Variants in ENTPD1 observed in about 807,000 individuals in gnomAD.
The protein encoded by ENTPD1 is ectonucleoside triphosphate diphosphohydrolase 1.
In ENTPD1, 33 loss-of-function variants were observed where a neutral mutation model predicts 57.0. That is an observed-to-expected ratio of 0.58 (90% CI 0.44 to 0.77). The LOEUF (loss-of-function observed/expected upper bound fraction) is 0.77. Ranked by LOEUF, ENTPD1 falls within the 30% of genes least tolerant of loss-of-function variation. The pLI is 0.00. For missense variants in ENTPD1, 501 were observed against 603.4 expected (o/e 0.83, Z 1.78); for synonymous variants, 202 against 218.8 (o/e 0.92, Z 0.68).
intron 1 of ENTPD1, among the ~76,000 whole-genome samples, chr10:95,721,222 G>A (rs1456444450): frequency 6.6e-6 from 1 of 152,102 alleles, no homozygotes; most frequent in Admixed American, 6.5e-5. Context: ...ATAATTTATA[G>A]GCTTCCTCCT....
intron 1 of ENTPD1, among the ~76,000 whole-genome samples, chr10:95,800,078 G>C (rs1383173451): frequency 6.6e-6 from 1 of 152,164 alleles, no homozygotes; most frequent in Non-Finnish European, 1.5e-5. Flanking sequence ...TCTGTAGGTT[G>C]TCTGCTTACT....
In ENTPD1 at chr10:95,864,634, C is replaced by T. The variant is rs187524930; in HGVS notation, c.1189-90C>T. On this transcript the variant is annotated intron_variant, in intron 8 of 9. Transcript: ENST00000371205. ...CAGGTGCACTGGAGCTGGGGCTTTC[C>T]CCTCTCTTCATCAGGGCTAGTAGAG... The T allele has an allele frequency of 1.7e-5, 26 of 1,570,292 alleles. No homozygotes were observed. The East Asian group carries it at 5.4e-4, about 32-fold the overall frequency.
In ENTPD1 at chr10:95,870,941, C is replaced by A. The variant is rs745338709; in HGVS notation, c.*4558C>A. 9 of 985,438 alleles carry A rather than the reference C, an allele frequency of 9.1e-6. No individual in the cohort carries two copies. The highest frequency in any genetic ancestry group is 1.1e-5 in the Non-Finnish European group (9 of 829,936). The allele number at this position is 985,438 out of a possible 1,614,324, so 61.0% of individuals were successfully genotyped here. A position where few individuals can be genotyped will look rare whatever the true frequency, so the allele number is the denominator to read the frequency against. On this transcript the variant is annotated 3_prime_UTR_variant, in exon 10 of 10. Coordinates refer to ENST00000371205, the MANE Select transcript of ENTPD1 (RefSeq NM_001776.6). ...CTTCAGGTGGTAAGGGTGGATCAGA[C>A]CTATTCCATATACCTCTTGTTCTCC...
upstream of ENTPD1, among the ~76,000 whole-genome samples, chr10:95,710,426 C>T (rs1171605687): frequency 2.0e-5 from 3 of 151,992 alleles, no homozygotes; most frequent in African/African-American, 7.2e-5. Context: ...TTTAATGATA[C>T]TCATGATTAA....
chr10:95,840,728 C>T (rs2098420671), intron 3 of ENTPD1, among the ~76,000 whole-genome samples: 1 of 152,168 alleles, frequency 6.6e-6, no homozygotes, highest in Non-Finnish European at 1.5e-5. Flanking sequence ...GAGTGGTTGA[C>T]ATTCAGCTTT....
chr10:95,780,688 A>T (rs1428027638), intron 1 of ENTPD1, among the ~76,000 whole-genome samples: 2 of 152,210 alleles, frequency 1.3e-5, no homozygotes, highest in Non-Finnish European at 2.9e-5. Flanking sequence ...GAACAAACTC[A>T]TGTTTGATCC....
At chr10:95,779,305 C>T (rs1230273261) in intron 1 of ENTPD1, among the ~76,000 whole-genome samples, 2 of 152,144 alleles carry the variant, frequency 1.3e-5, no homozygotes, top group Admixed American at 6.5e-5. Flanking sequence ...TCTGCCATTC[C>T]CCAGCCTGAA....
chr10:95,713,927 A>G (rs956294522), intron 1 of ENTPD1, among the ~76,000 whole-genome samples: 2 of 152,276 alleles, frequency 1.3e-5, no homozygotes, highest in Non-Finnish European at 2.9e-5. Context: ...ATTTTTGTAC[A>G]GCTCAAAGTG....
At chr10:95,857,964 A>G (rs191160136) in intron 7 of ENTPD1, among the ~76,000 whole-genome samples, 2 of 152,272 alleles carry the variant, frequency 1.3e-5, no homozygotes, top group East Asian at 3.9e-4. Context: ...GATTGAGACC[A>G]TCCTGGCTAA....
chr10:95,844,316 G>T (rs138476634), intron 4 of ENTPD1, among the ~76,000 whole-genome samples, 160 bp from the exon 5 acceptor site: 1 of 152,296 alleles, frequency 6.6e-6, no homozygotes, highest in East Asian at 1.9e-4. Flanking sequence ...CAAAAAAGGG[G>T]TTTCTTGGAC....
At chr10:95,865,061 G>C (rs2098471792) in intron 9 of ENTPD1, among the ~76,000 whole-genome samples, 200 bp downstream of exon 9, 1 of 152,158 alleles carries the variant, frequency 6.6e-6, no homozygotes, top group African/African-American at 2.4e-5. Context: ...CCTCGCTAAG[G>C]ACAGCTACTT....
chr10:95,866,417 GA>G lies in ENTPD1; in HGVS notation c.*41del, dbSNP rs1398119268. 6.2e-6 allele frequency: 10 copies of G among 1,612,270 alleles called. No individual in the cohort carries two copies. Among genetic ancestry groups the G allele is most frequent in the African/African-American group, 2.7e-5 (2 of 74,872 alleles). The stretch of plus-strand genomic sequence containing the variant: ...GCTGAAATATGCTGGCTGGAGTGAG[GA>G]AAAAAATCGTCCAGGGAGCATTTTC... On this transcript the variant is annotated 3_prime_UTR_variant, in exon 10 of 10. Transcript: ENST00000371205.
At chr10:95,813,787 CATT>C (rs2098318644) in intron 1 of ENTPD1, among the ~76,000 whole-genome samples, 1 of 152,108 alleles carries the variant, frequency 6.6e-6, no homozygotes, top group Non-Finnish European at 1.5e-5. Context: ...TTTTGTACCT[CATT>C]GGTGCAAAAA....
At chr10:95,826,767 G>A (rs2098378713) in intron 2 of ENTPD1, among the ~76,000 whole-genome samples, 1 of 152,028 alleles carries the variant, frequency 6.6e-6, no homozygotes, top group African/African-American at 2.4e-5. Context: ...TAAGAGTAGT[G>A]GGAAGCTAGT....
At chr10:95,704,351 C>T in the ENTPD1 span, among the ~76,000 whole-genome samples, 1 of 151,932 alleles carries the variant, frequency 6.6e-6, no homozygotes, top group South Asian at 2.1e-4. Flanking sequence ...TAAAGAAGAA[C>T]AAGGCTAGAA....
rs369998398 is a variant in ENTPD1 at position 95,776,424 on chromosome 10, A to C, written c.16+20169A>C. Among the ~76,000 whole-genome samples the C allele has an allele frequency of 8.5e-5, 13 of 152,216 alleles. No individual in the cohort carries two copies. The East Asian group carries it at 1.9e-3, about 23-fold the overall frequency. On this transcript the variant is annotated intron_variant, in intron 1 of 9. Transcript: ENST00000371205. ...GCTTAGTTTGGCTGGATATGAAATT[A>C]TGGGTTGAAAATTCTTTTCTTTAAG...
intron 6 of ENTPD1, chr10:95,846,520 T>A (rs2098435994): frequency 6.6e-6 from 1 of 152,342 alleles, no homozygotes; most frequent in Non-Finnish European, 1.5e-5. Flanking sequence ...ACTGAAAGGA[T>A]AACAAGTTCT....
chr10:95,738,229 G>C (rs943006446), intron 1 of ENTPD1, among the ~76,000 whole-genome samples: 1 of 152,188 alleles, frequency 6.6e-6, no homozygotes, highest in Non-Finnish European at 1.5e-5. Context: ...AGAAAACACT[G>C]TTTTGCATTA....
At chr10:95,745,498 G>T (rs942795813) in intron 1 of ENTPD1, among the ~76,000 whole-genome samples, 2 of 152,132 alleles carry the variant, frequency 1.3e-5, no homozygotes, top group Non-Finnish European at 2.9e-5. Flanking sequence ...CATTTTTGAT[G>T]AAGTGACAGT....
Sources: gnomAD v4.1 joint callset for allele counts (sites outside exome capture counted in the v4.1 genomes callset) on GRCh38, gnomAD v4.1.1 for gene constraint, MANE v1.5 for transcripts, NCBI Gene and HGNC (gene_info 2026-07-23, HGNC 2026-07-21) for gene names.